Variants in FARS2 observed in about 807,000 individuals in gnomAD.
FARS2 encodes the protein phenylalanyl-tRNA synthetase 2, mitochondrial.
In FARS2, 40 loss-of-function variants were observed where a neutral mutation model predicts 46.4. The observed-to-expected ratio is 0.86, with a 90% CI of 0.67 to 1.12. The LOEUF is 1.12. FARS2 is among the 50% of genes most tolerant of loss of function. The pLI is 0.00. For synonymous variants in FARS2, 234 were observed against 214.9 expected (o/e 1.09, Z -0.78); for missense variants, 513 against 567.9 (o/e 0.90, Z 0.98).
At chr6:5,517,097 A>G (rs1427308792) in intron 4 of FARS2, among the ~76,000 whole-genome samples, 1 of 152,068 alleles carries the variant, frequency 6.6e-6, no homozygotes, top group Non-Finnish European at 1.5e-5. Flanking sequence ...TGCGTTTCGC[A>G]CAGTTTGGGA....
intron 1 of FARS2, among the ~76,000 whole-genome samples, chr6:5,333,402 C>A (rs1770935461): frequency 6.6e-6 from 1 of 152,164 alleles, no homozygotes; most frequent in Non-Finnish European, 1.5e-5. Context: ...CTGTTTCTTT[C>A]AAAACTCCTT....
chr6:5,662,773 C>T (rs1440627935), intron 6 of FARS2, among the ~76,000 whole-genome samples: 1 of 152,092 alleles, frequency 6.6e-6, no homozygotes, highest in Non-Finnish European at 1.5e-5. Flanking sequence ...AGATCAGATC[C>T]CCGGGTTTGA....
At chr6:5,260,598 T>TGCCCCGC, upstream of FARS2, 1 of 1,105,568 alleles carries the variant, frequency 9.0e-7, no homozygotes, top group Non-Finnish European at 1.3e-6. Context: ...GCACCCCCGG[T>TGCCCCGC]CCCCGGCCCC....
rs1011661534 is a variant in FARS2 at position 5,630,882 on chromosome 6, C to T, written c.1217+17562C>T. Among the ~76,000 whole-genome samples the T allele has an allele frequency of 1.3e-5, 2 of 152,184 alleles. No homozygotes were observed. The highest frequency in any genetic ancestry group is 2.4e-5 in the African/African-American group (1 of 41,440). ...CCTGAAAATATGAATGGAGTCTGAGCGATGCTTTGATCAGCATTTCTTAAT... is the reference window on the plus strand; with the variant it reads ...CCTGAAAATATGAATGGAGTCTGAGTGATGCTTTGATCAGCATTTCTTAAT... On this transcript the variant is annotated intron_variant, in intron 6 of 6. Coordinates refer to ENST00000274680, the MANE Select transcript of FARS2 (RefSeq NM_006567.5). This position sits in a 1 kb window ranked among gnomAD's most constrained non-coding sequence, Gnocchi z 4.2.
intron 5 of FARS2, among the ~76,000 whole-genome samples, chr6:5,598,898 C>T (rs962163078): frequency 1.3e-5 from 2 of 152,150 alleles, no homozygotes; most frequent in Admixed American, 1.3e-4. Flanking sequence ...CTGGAAATCA[C>T]GTCTTAAGTT....
chr6:5,720,506 T>C (rs1483500174), intron 6 of FARS2, among the ~76,000 whole-genome samples: 1 of 152,208 alleles, frequency 6.6e-6, no homozygotes, highest in East Asian at 1.9e-4. Context: ...AGAGAATGTG[T>C]CTTTACAATA....
chr6:5,449,988 C>T (rs1764393804), intron 4 of FARS2, among the ~76,000 whole-genome samples: 1 of 152,204 alleles, frequency 6.6e-6, no homozygotes, highest in African/African-American at 2.4e-5. Flanking sequence ...CCCTGAGGAA[C>T]CTGTGTGTAT....
intron 4 of FARS2, among the ~76,000 whole-genome samples, chr6:5,467,894 G>A (rs1480305195): frequency 6.6e-6 from 1 of 152,166 alleles, no homozygotes; most frequent in Non-Finnish European, 1.5e-5. Context: ...AGGGAATGAT[G>A]AACTATGTTT....
intron 5 of FARS2, among the ~76,000 whole-genome samples, chr6:5,592,944 C>G (rs1249932609): frequency 6.6e-6 from 1 of 152,218 alleles, no homozygotes; most frequent in East Asian, 1.9e-4. Flanking sequence ...AGCGCCTGGT[C>G]ACAACCTGCT....
intron 3 of FARS2, among the ~76,000 whole-genome samples, chr6:5,408,219 C>A (rs1322281709): frequency 7.9e-5 from 12 of 152,198 alleles, no homozygotes; most frequent in Non-Finnish European, 1.8e-4. Context: ...GTTCTCCGAG[C>A]ACACAGGCAA....
chr6:5,459,544 T>G (rs1276017144), intron 4 of FARS2, among the ~76,000 whole-genome samples: 1 of 152,192 alleles, frequency 6.6e-6, no homozygotes, highest in Non-Finnish European at 1.5e-5. Context: ...GGTTGCCTGC[T>G]GCCCATGTCG....
chr6:5,488,936 C>T (rs984526195), intron 4 of FARS2, among the ~76,000 whole-genome samples: 2 of 152,106 alleles, frequency 1.3e-5, no homozygotes, highest in East Asian at 3.8e-4. Flanking sequence ...TTACTGTGTC[C>T]CAGGTACATT....
At chr6:5,283,374 CAAAAAA>C (rs1180107524) in intron 1 of FARS2, among the ~76,000 whole-genome samples, 1 of 55,078 alleles carries the variant, frequency 1.8e-5, no homozygotes, top group African/African-American at 7.1e-5. Context: ...ACTCCTGTCT[CAAAAAA>C]AAAAAAAAAA....
At chr6:5,384,611 G>A (rs1242621917) in intron 2 of FARS2, among the ~76,000 whole-genome samples, 1 of 152,220 alleles carries the variant, frequency 6.6e-6, no homozygotes, top group Non-Finnish European at 1.5e-5. Flanking sequence ...GGAGGCTTAA[G>A]TAGGGGGAGA....
In FARS2 at chr6:5,446,064, G is replaced by T. The variant is rs190218552; in HGVS notation, c.904+14892G>T. Among the ~76,000 whole-genome samples the T allele has an allele frequency of 2.5e-4, 38 of 152,132 alleles. No homozygotes were observed. In the East Asian group the frequency reaches 6.4e-3, roughly 26 times the overall value. ...AGAAATACAAAAAAATTAGCCGGGC[G>T]TGGGGGCGGGCACCTGTAGTCCCAG... On this transcript the variant is annotated intron_variant, in intron 4 of 6. Transcript: ENST00000274680.
intron 3 of FARS2, among the ~76,000 whole-genome samples, chr6:5,429,606 C>G (rs2503834): frequency 0.91 from 138,517 of 152,232 alleles, 63,248 homozygotes; most frequent in African/African-American, 0.98. Flanking sequence ...AGAAGTTCAA[C>G]ACCAGCCTGG....
At chr6:5,431,765 T>C (rs1763183875) in intron 4 of FARS2, 3 of 502,290 alleles carry the variant, frequency 6.0e-6, no homozygotes, top group African/African-American at 3.9e-5. Flanking sequence ...TCTGGCTCTT[T>C]TCTGTAAGAC....
intron 4 of FARS2, among the ~76,000 whole-genome samples, chr6:5,485,749 A>G (rs2150351116): frequency 6.6e-6 from 1 of 152,190 alleles, no homozygotes; most frequent in South Asian, 2.1e-4. Context: ...CGGTTTGTCA[A>G]CTCCTGCTCT....
intron 6 of FARS2, among the ~76,000 whole-genome samples, chr6:5,722,722 A>T (rs1435855310): frequency 1.3e-5 from 2 of 152,232 alleles, no homozygotes; most frequent in East Asian, 3.9e-4. Flanking sequence ...TTCTGAGTGC[A>T]ACGAGGATGT....
Sources: allele counts gnomAD v4.1 joint callset (sites outside exome capture counted in the v4.1 genomes callset), GRCh38; gene constraint gnomAD v4.1.1; non-coding constraint Gnocchi (gnomAD v3.1); transcripts MANE v1.5; gene names NCBI Gene and HGNC (gene_info 2026-07-23, HGNC 2026-07-21).